PRPF6: variants seen among roughly 807,000 people sequenced by gnomAD.
The protein encoded by PRPF6 is pre-mRNA processing factor 6.
Under a neutral mutation model 118.3 loss-of-function variants are expected in PRPF6, and 42 were observed. The ratio of observed to expected loss-of-function variants is 0.35; its 90% confidence interval spans 0.28 to 0.46. The LOEUF (loss-of-function observed/expected upper bound fraction) is 0.46, where lower values mean the gene tolerates loss of function less well. PRPF6 is among the 20% of genes least tolerant of loss of function. The pLI, the probability that PRPF6 is intolerant of heterozygous loss-of-function variation, is 1.00. For missense variants in PRPF6, 662 were observed against 1,255.7 expected (o/e 0.53, Z 7.15); for synonymous variants, 481 against 485.1 (o/e 0.99, Z 0.11).
intron 9 of PRPF6, among the ~76,000 whole-genome samples, chr20:64,007,261 C>T (rs982588677): frequency 6.6e-6 from 1 of 152,176 alleles, no homozygotes; most frequent in Non-Finnish European, 1.5e-5. Flanking sequence ...ATTTTATGTC[C>T]CTTAGCTGAG....
At chr20:64,022,324 G>C (rs2123085113) in intron 12 of PRPF6, among the ~76,000 whole-genome samples, 1 of 152,048 alleles carries the variant, frequency 6.6e-6, no homozygotes, top group South Asian at 2.1e-4. Context: ...TTCTGGAGGG[G>C]GAGGACAGAG....
Position 64,021,439 on chromosome 20 carries a change from C to T in PRPF6, c.1648-1318C>T, listed in dbSNP as rs540482344. On this transcript the variant is annotated intron_variant, in intron 12 of 20. Coordinates refer to ENST00000266079, the MANE Select transcript of PRPF6 (RefSeq NM_012469.4). ...GCGTGTGTGTGCACGTATGCATATT[C>T]CTCGGCCACAGCCCCCGTGCATGTG... 6.1e-5 allele frequency among the ~76,000 whole-genome samples: 9 copies of T among 148,584 alleles called. No homozygotes were observed. In the South Asian group the frequency reaches 6.4e-4, roughly 11 times the overall value.
At chr20:64,022,571 G>A (rs2059271377) in intron 12 of PRPF6, among the ~76,000 whole-genome samples, 186 bp from the exon 13 acceptor site, 1 of 152,198 alleles carries the variant, frequency 6.6e-6, no homozygotes, top group Non-Finnish European at 1.5e-5. Context: ...GCCTCCCAAA[G>A]TGCTGAGATT....
At chr20:64,032,149 G>T (rs934673024) in intron 20 of PRPF6, 105 bp downstream of exon 20, 2 of 1,563,788 alleles carry the variant, frequency 1.3e-6, no homozygotes, top group Non-Finnish European at 1.7e-6. Flanking sequence ...GCGTGACTCT[G>T]CCCGGGGTCG....
At chr20:64,009,208 G>C (rs2059203454) in intron 9 of PRPF6, among the ~76,000 whole-genome samples, 1 of 149,908 alleles carries the variant, frequency 6.7e-6, no homozygotes, top group Non-Finnish European at 1.5e-5. Context: ...TTGAACCCGG[G>C]TGGCAGAGGT....
chr20:64,006,378 G>A (rs141448165), intron 9 of PRPF6, among the ~76,000 whole-genome samples: 7,610 of 148,874 alleles, frequency 0.051, 259 homozygotes, highest in Non-Finnish European at 0.076. Context: ...GTGCAGTGGC[G>A]CAATCTCGGC....
chr20:63,998,936 C>T, intron 6 of PRPF6, 109 bp from the exon 7 acceptor site: 1 of 726,842 alleles, frequency 1.4e-6, no homozygotes, highest in African/African-American at 1.7e-5. Flanking sequence ...TTTTCCTTCT[C>T]CTTCTGACTG....
chr20:63,987,297 A>C (rs1408951286), intron 3 of PRPF6, among the ~76,000 whole-genome samples: 1 of 151,932 alleles, frequency 6.6e-6, no homozygotes, highest in East Asian at 1.9e-4. Context: ...ATTTGAGGTC[A>C]GGAGTTTGAG....
At chr20:63,999,908 G>A (rs981887531) in intron 8 of PRPF6, 149 bp downstream of exon 8, 3 of 1,061,506 alleles carry the variant, frequency 2.8e-6, no homozygotes, top group Non-Finnish European at 4.1e-6. Flanking sequence ...AAGCAGCCAA[G>A]GGCTTTTTCC....
At chr20:64,013,458 C>T (rs956476791) in intron 11 of PRPF6, among the ~76,000 whole-genome samples, 2 of 151,104 alleles carry the variant, frequency 1.3e-5, no homozygotes, top group African/African-American at 4.9e-5. Context: ...TTCCTTCTTT[C>T]TTTCTTGAGA....
In PRPF6 at chr20:64,026,987, C is replaced by T; in HGVS notation, c.2034C>T (p.Phe678=). The T allele has an allele frequency of 6.2e-7, 1 of 1,613,884 alleles. No individual in the cohort carries two copies. Among genetic ancestry groups the T allele is most frequent in the Non-Finnish European group, 8.5e-7 (1 of 1,180,032 alleles). ...AGTGCATGTCTGCCCCACAGGTGTT[C>T]ATGAAGTCTGTGAAGCTGGAGTGGG... ...ARSSAPTARV[F]MKSVKLEWVQ... is the part of the protein sequence containing the mutation. The change falls in exon 16 of 21, where the codon TTC becomes TTT. Residue 678 remains phenylalanine, a synonymous_variant. Coordinates refer to ENST00000266079, the MANE Select transcript of PRPF6 (RefSeq NM_012469.4). The surrounding 1 kb of genome is among the most constrained non-coding windows in gnomAD (Gnocchi z 4.4).
rs775452598 is a variant in PRPF6, at chr20:64,011,473, T to C, written c.1494T>C (p.Gly498=). 5.0e-6 allele frequency: 8 copies of C among 1,613,416 alleles called. No homozygotes were observed. The highest frequency in any genetic ancestry group is 6.8e-6 in the Non-Finnish European group (8 of 1,179,918). ...CCATCACCTCGCTGCGGGCCAACGG[T>C]GTGGAGATCAACCGTGAGCAGTGGA... ...DRAITSLRAN[G]VEINREQWIQ... is the part of the protein sequence containing the mutation. The change falls in exon 11 of 21, where the codon GGT becomes GGC. Residue 498 remains glycine (G), a synonymous_variant. Transcript: ENST00000266079. This position sits in a 1 kb window ranked among gnomAD's most constrained non-coding sequence, Gnocchi z 6.7.
At chr20:64,025,605 C>T (rs1194905562) in intron 14 of PRPF6, among the ~76,000 whole-genome samples, 3 of 152,152 alleles carry the variant, frequency 2.0e-5, no homozygotes, top group Non-Finnish European at 4.4e-5. Flanking sequence ...GTATAGGATG[C>T]GAGTGCCCCA....
At chr20:64,007,200 T>G (rs2059193993) in intron 9 of PRPF6, among the ~76,000 whole-genome samples, 1 of 152,206 alleles carries the variant, frequency 6.6e-6, no homozygotes, top group Admixed American at 6.5e-5. Flanking sequence ...TGCCCAACCT[T>G]GTGGCTTGGT....
chr20:64,022,674 C>T (rs2059271758), intron 12 of PRPF6, 83 bp from the exon 13 acceptor site: 6 of 1,575,940 alleles, frequency 3.8e-6, no homozygotes, highest in Non-Finnish European at 4.4e-6. Context: ...CTTTCAGAAT[C>T]GTATGAGCCT....
At position 64,011,626 on chromosome 20, in the gene PRPF6, G is replaced by A. The variant is rs1456092823; in HGVS notation, c.1524+123G>A. The A allele has an allele frequency of 1.9e-5, 21 of 1,130,162 alleles. No homozygotes were observed. The highest frequency in any genetic ancestry group is 2.7e-5 in the Non-Finnish European group (21 of 779,046). 70.0% of individuals were successfully genotyped at this position (1,130,162 alleles called of 1,614,324 possible). A position where few individuals can be genotyped will look rare whatever the true frequency, so the allele number is the denominator to read the frequency against. On this transcript the variant is annotated intron_variant, in intron 11 of 20. Coordinates refer to ENST00000266079, the MANE Select transcript of PRPF6 (RefSeq NM_012469.4). This position sits in a 1 kb window ranked among gnomAD's most constrained non-coding sequence, Gnocchi z 6.7. ...GAGTCCTGTGCCAAACCAGAAGCAGGCACAGGTGTGAATGGGCCCTGAGGG... is the reference window on the plus strand; with the variant it reads ...GAGTCCTGTGCCAAACCAGAAGCAGACACAGGTGTGAATGGGCCCTGAGGG...
chr20:64,002,844 G>A (rs1391419369), intron 9 of PRPF6, among the ~76,000 whole-genome samples: 1 of 149,834 alleles, frequency 6.7e-6, no homozygotes, highest in Non-Finnish European at 1.5e-5. Flanking sequence ...GGGTTTCACT[G>A]TGTTGACCAG....
At chr20:64,008,759 T>C (rs926985649) in intron 9 of PRPF6, among the ~76,000 whole-genome samples, 5 of 152,364 alleles carry the variant, frequency 3.3e-5, no homozygotes, top group East Asian at 1.9e-4. Context: ...TTCGGGATGA[T>C]GCGTTGATTC....
intron 9 of PRPF6, among the ~76,000 whole-genome samples, chr20:64,003,985 A>G (rs1357495952): frequency 6.6e-6 from 1 of 152,218 alleles, no homozygotes; most frequent in Non-Finnish European, 1.5e-5. Flanking sequence ...TTTTTCAGCT[A>G]GGAAGAAATA....
Sources: allele counts gnomAD v4.1 joint callset (sites outside exome capture counted in the v4.1 genomes callset), GRCh38; gene constraint gnomAD v4.1.1; non-coding constraint Gnocchi (gnomAD v3.1); transcripts MANE v1.5; gene names NCBI Gene and HGNC (gene_info 2026-07-23, HGNC 2026-07-21).